Variants in CACNA1C observed in about 807,000 individuals in gnomAD.
The protein encoded by CACNA1C is voltage-dependent L-type calcium channel subunit alpha-1C.
CACNA1C carries 30 observed loss-of-function variants against 229.0 expected under a neutral mutation model. That is an observed-to-expected ratio of 0.13 (90% confidence interval 0.10 to 0.18). CACNA1C has a LOEUF of 0.18. CACNA1C is among the 10% of genes least tolerant of loss of function. CACNA1C has a pLI of 1.00. For synonymous variants in CACNA1C, 1,114 were observed against 1,132.5 expected, an observed-to-expected ratio of 0.98 and a Z score of 0.33; for missense variants, 1,658 against 2,845.0, an observed-to-expected ratio of 0.58 and a Z score of 9.49.
intron 3 of CACNA1C, among the ~76,000 whole-genome samples, chr12:2,259,211 C>T (rs1036493735): frequency 4.6e-5 from 7 of 152,158 alleles, no homozygotes; most frequent in African/African-American, 1.7e-4. Flanking sequence ...GCCGATTCTA[C>T]AAAAAGGAAG....
At chr12:1,996,951 C>A (rs1023013081) in intron 1 of CACNA1C, among the ~76,000 whole-genome samples, 2 of 152,112 alleles carry the variant, frequency 1.3e-5, no homozygotes, top group African/African-American at 4.8e-5. Context: ...TATATTAGGT[C>A]TTTTAATTTC....
At chr12:2,335,548 C>T (rs925958428) in intron 3 of CACNA1C, among the ~76,000 whole-genome samples, 1 of 152,192 alleles carries the variant, frequency 6.6e-6, no homozygotes, top group Non-Finnish European at 1.5e-5. Context: ...ACATGCACAG[C>T]GTGGCTCCCT....
chr12:2,603,765 A>C (rs765634464), intron 22 of CACNA1C: 3 of 152,252 alleles, frequency 2.0e-5, no homozygotes, highest in Non-Finnish European at 4.4e-5. Flanking sequence ...AGGGTCACTG[A>C]AAAATCAACT....
At chr12:2,330,708 A>G (rs1042933738) in intron 3 of CACNA1C, among the ~76,000 whole-genome samples, 3 of 152,248 alleles carry the variant, frequency 2.0e-5, no homozygotes, top group South Asian at 4.1e-4. Context: ...AGCAATTTCT[A>G]AAAACAACAA....
chr12:2,358,856 G>A (rs947396728), intron 3 of CACNA1C, among the ~76,000 whole-genome samples: 2 of 151,904 alleles, frequency 1.3e-5, no homozygotes, highest in East Asian at 1.9e-4. Flanking sequence ...CTGGGCCCCC[G>A]AGACTGGGAA....
intron 3 of CACNA1C, among the ~76,000 whole-genome samples, chr12:2,377,408 G>A (rs1171047929): frequency 6.6e-6 from 1 of 152,148 alleles, no homozygotes; most frequent in Non-Finnish European, 1.5e-5. Context: ...CTGCAACAGC[G>A]CTGCACCCCT....
In CACNA1C at chr12:2,140,978, C is replaced by T. The variant is rs115529385; in HGVS notation, c.477+20548C>T. On this transcript the variant is annotated intron_variant, in intron 3 of 46. Transcript: ENST00000399655. Reference sequence around the variant, plus strand: ...TTCCAGGGTAAGGGCCCACCTGGAGCGGGTAGGCAGGGAGGGTCTCTCTGA... The same window carrying T: ...TTCCAGGGTAAGGGCCCACCTGGAGTGGGTAGGCAGGGAGGGTCTCTCTGA... Among the ~76,000 whole-genome samples the T allele has an allele frequency of 7.5e-3, 1,136 of 151,160 alleles. 22 individuals are homozygous for T. Among genetic ancestry groups the T allele is most frequent in the African/African-American group, 0.026 (1,059 of 41,400 alleles).
At chr12:2,485,204 T>C (rs967063780) in intron 5 of CACNA1C, among the ~76,000 whole-genome samples, 1 of 152,056 alleles carries the variant, frequency 6.6e-6, no homozygotes, top group Non-Finnish European at 1.5e-5. Flanking sequence ...CACCACTGGC[T>C]CTGCTGGAGG....
At chr12:2,395,209 C>CTTTT (rs5796003) in intron 3 of CACNA1C, among the ~76,000 whole-genome samples, 5 of 128,108 alleles carry the variant, frequency 3.9e-5, no homozygotes, top group Non-Finnish European at 8.1e-5. Flanking sequence ...TTTTCTCTAG[C>CTTTT]TTTTTTTTTT....
At chr12:2,230,367 G>A (rs937056917) in intron 3 of CACNA1C, among the ~76,000 whole-genome samples, 3 of 152,202 alleles carry the variant, frequency 2.0e-5, no homozygotes, top group African/African-American at 2.4e-5. Flanking sequence ...GCCTTGTGAG[G>A]AGCAATGGCG....
At chr12:2,208,579 C>T (rs943202369) in intron 3 of CACNA1C, among the ~76,000 whole-genome samples, 1 of 152,124 alleles carries the variant, frequency 6.6e-6, no homozygotes, top group Non-Finnish European at 1.5e-5. Flanking sequence ...GCTCCAGGGA[C>T]CTAAGGAAGG....
At position 2,258,875 on chromosome 12, in the gene CACNA1C, C is replaced by G. The variant is rs1020721819; in HGVS notation, c.477+138445C>G. ...TAAGTTTTCAGGAGAGAAGAAGGCA[C>G]AAATCTCCCTTAAAAAGTAATCCAT... On this transcript the variant is annotated intron_variant, in intron 3 of 46. Coordinates refer to ENST00000399655, the MANE Select transcript of CACNA1C (RefSeq NM_000719.7). Among the ~76,000 whole-genome samples the G allele has an allele frequency of 4.6e-5, 7 of 152,146 alleles. No individual in the cohort carries two copies. The South Asian group carries it at 1.5e-3, about 32-fold the overall frequency.
At chr12:2,400,880 T>A (rs1233404360) in intron 3 of CACNA1C, among the ~76,000 whole-genome samples, 1 of 152,034 alleles carries the variant, frequency 6.6e-6, no homozygotes, top group Non-Finnish European at 1.5e-5. Context: ...GCTTCCTTCC[T>A]CCCCCAAATA....
intron 3 of CACNA1C, among the ~76,000 whole-genome samples, chr12:2,413,374 A>G (rs529188617): frequency 6.6e-6 from 1 of 152,322 alleles, no homozygotes; most frequent in East Asian, 1.9e-4. Flanking sequence ...ATAAAGCGTG[A>G]ATGACTCTAC....
intron 1 of CACNA1C, among the ~76,000 whole-genome samples, chr12:2,077,246 A>T (rs2063544546): frequency 1.3e-5 from 2 of 152,238 alleles, no homozygotes; most frequent in Non-Finnish European, 2.9e-5. Flanking sequence ...CCCACATATA[A>T]AAATGACATT....
intron 3 of CACNA1C, among the ~76,000 whole-genome samples, chr12:2,124,420 G>A (rs1029058539): frequency 2.6e-5 from 4 of 152,122 alleles, no homozygotes; most frequent in Admixed American, 6.6e-5. Flanking sequence ...GTATACATGT[G>A]GTCACATTCT....
At position 2,602,630 on chromosome 12, in the gene CACNA1C, T is replaced by TGTG. The variant is rs2073161027; in HGVS notation, c.2960+670_2960+671insGTG. Among the ~76,000 whole-genome samples, 155 of 140,908 alleles carry TGTG rather than the reference T, an allele frequency of 1.1e-3. No individual in the cohort carries two copies. The highest frequency in any genetic ancestry group is 4.1e-3 in the African/African-American group (148 of 36,226). 92.4% of individuals were successfully genotyped at this position (140,908 alleles called of 152,430 possible). ...GTGTGTGACTGTGTATATTTGTGTC[T>TGTG]TGTGTGTGTGTGTGTGTGTGTGTGT... On this transcript the variant is annotated intron_variant, in intron 22 of 46. Coordinates refer to ENST00000399655, the MANE Select transcript of CACNA1C (RefSeq NM_000719.7). The surrounding 1 kb of genome is among the most constrained non-coding windows in gnomAD (Gnocchi z 4.4).
At chr12:2,612,056 T>C (rs1175104528) in intron 29 of CACNA1C, 43 bp downstream of exon 29, 2 of 1,203,116 alleles carry the variant, frequency 1.7e-6, no homozygotes, top group Non-Finnish European at 2.5e-6. Context: ...GCATCAGGGG[T>C]GGACAGAACG....
At chr12:1,993,525 C>A in intron 1 of CACNA1C, 2 of 1,041,136 alleles carry the variant, frequency 1.9e-6, no homozygotes, top group Non-Finnish European at 2.7e-6. Context: ...AGCCTGTACA[C>A]GTACTTCTTC....
Sources: allele counts gnomAD v4.1 joint callset (sites outside exome capture counted in the v4.1 genomes callset), GRCh38; gene constraint gnomAD v4.1.1; non-coding constraint Gnocchi (gnomAD v3.1); transcripts MANE v1.5; gene names NCBI Gene and HGNC (gene_info 2026-07-23, HGNC 2026-07-21).